Variants in CFAP300 observed in about 807,000 individuals in gnomAD.
The protein encoded by CFAP300 is cilia and flagella associated protein 300, also known as cilia- and flagella-associated protein 300.
CFAP300 carries 32 observed loss-of-function variants against 33.0 expected under a neutral mutation model. The observed-to-expected ratio is 0.97, with a 90% CI of 0.73 to 1.30. CFAP300 has a LOEUF of 1.30. Ranked by LOEUF, CFAP300 falls within the 50% of genes most tolerant of loss-of-function variation. CFAP300 has a pLI of 0.00. For missense variants in CFAP300, 356 were observed against 318.1 expected (o/e 1.12, Z -0.90); for synonymous variants, 102 against 106.8 (o/e 0.95, Z 0.28).
At chr11:102,058,286 A>G (rs1045798920) in intron 2 of CFAP300, among the ~76,000 whole-genome samples, 2 of 151,772 alleles carry the variant, frequency 1.3e-5, no homozygotes, top group Non-Finnish European at 2.9e-5. Context: ...TTTATTTTAT[A>G]TATTTTTTTC....
intron 4 of CFAP300, among the ~76,000 whole-genome samples, chr11:102,074,388 T>TA (rs1240187307): frequency 6.6e-6 from 1 of 152,162 alleles, no homozygotes. Context: ...GTCTTTCACT[T>TA]ACCATTTTCC....
At chr11:102,077,020 T>A (rs1942405193) in intron 5 of CFAP300, among the ~76,000 whole-genome samples, 1 of 152,146 alleles carries the variant, frequency 6.6e-6, no homozygotes, top group Non-Finnish European at 1.5e-5. Flanking sequence ...TTATTTGAAG[T>A]TCATGTAAAC....
intron 6 of CFAP300, among the ~76,000 whole-genome samples, chr11:102,082,165 G>A (rs1565399714): frequency 1.3e-5 from 2 of 151,492 alleles, no homozygotes; most frequent in South Asian, 2.1e-4. Context: ...ACTTGAGGTC[G>A]GGAGTTCAAA....
chr11:102,063,545 G>A (rs1431558235), intron 3 of CFAP300, among the ~76,000 whole-genome samples: 1 of 152,150 alleles, frequency 6.6e-6, no homozygotes, highest in Non-Finnish European at 1.5e-5. Flanking sequence ...AAAATTTTGG[G>A]AGCAGGACAA....
At chr11:102,079,006 G>A (rs528469524) in intron 5 of CFAP300, among the ~76,000 whole-genome samples, 35 of 152,244 alleles carry the variant, frequency 2.3e-4, no homozygotes, top group South Asian at 2.1e-3. Context: ...CACCGTGCCC[G>A]GCCGATATAC....
chr11:102,078,016 G>A (rs1010643841), intron 5 of CFAP300, among the ~76,000 whole-genome samples: 2 of 151,714 alleles, frequency 1.3e-5, no homozygotes, highest in Non-Finnish European at 2.9e-5. Context: ...TTAGCCTCCC[G>A]AATAGCTGGG....
intron 4 of CFAP300, among the ~76,000 whole-genome samples, chr11:102,069,174 G>A (rs916810043): frequency 5.9e-5 from 9 of 152,212 alleles, no homozygotes; most frequent in Admixed American, 5.2e-4. Flanking sequence ...CTAGTTGCCT[G>A]TATGGCTTGC....
intron 6 of CFAP300, 97 bp downstream of exon 6, chr11:102,081,378 T>A: frequency 1.1e-6 from 1 of 943,394 alleles, no homozygotes; most frequent in Non-Finnish European, 1.6e-6. Flanking sequence ...ATGTTATGCC[T>A]AGGAGAAAAG....
intron 4 of CFAP300, among the ~76,000 whole-genome samples, chr11:102,067,621 T>C (rs1942248914): frequency 6.6e-6 from 1 of 152,258 alleles, no homozygotes; most frequent in Non-Finnish European, 1.5e-5. Flanking sequence ...GTGCCCATTC[T>C]ACCTTCTTCC....
chr11:102,082,889 C>T (rs971815598), intron 6 of CFAP300, among the ~76,000 whole-genome samples, 182 bp from the exon 7 acceptor site: 8 of 152,014 alleles, frequency 5.3e-5, no homozygotes, highest in East Asian at 1.9e-4. Context: ...CCCAGCTACT[C>T]GGGAAGCTGA....
At chr11:102,062,821 A>C (rs891290793) in intron 3 of CFAP300, among the ~76,000 whole-genome samples, 2 of 152,170 alleles carry the variant, frequency 1.3e-5, no homozygotes, top group African/African-American at 2.4e-5. Context: ...TTATGGACTT[A>C]ATGAGCCATT....
intron 3 of CFAP300, among the ~76,000 whole-genome samples, chr11:102,059,424 G>A (rs1199439917): frequency 6.6e-6 from 1 of 151,830 alleles, no homozygotes; most frequent in Non-Finnish European, 1.5e-5. Context: ...TGAGGCGGGC[G>A]GATCACTTGA....
intron 2 of CFAP300, among the ~76,000 whole-genome samples, chr11:102,058,546 A>C (rs113232935): frequency 6.7e-6 from 1 of 148,558 alleles, no homozygotes; most frequent in African/African-American, 2.5e-5. Context: ...ATTTAGATCT[A>C]GTATGTCAGT....
chr11:102,066,645 A>C lies in CFAP300; in HGVS notation c.429A>C (p.Leu143Phe), dbSNP rs758085255. The part of the protein sequence containing the change: ...FCDPFLISDE[L>F]RRVLLVEDSE... ...ATCCATTTCTCATTTCTGATGAGTT[A>C]CGAAGAGTAAGTACAGAATTTTAAA... Residue 143 changes from leucine (L) to phenylalanine (F), a missense_variant, in exon 4 of 7, where the codon TTA (leucine) becomes TTC (phenylalanine). Physicochemically the swap from Leu to Phe is conservative, Grantham distance 22. Transcript: ENST00000434758. 6 of 1,600,738 alleles carry C rather than the reference A, an allele frequency of 3.7e-6. No individual in the cohort carries two copies. The highest frequency in any genetic ancestry group is 5.1e-6 in the Non-Finnish European group (6 of 1,177,178).
At chr11:102,079,936 T>TA (rs1273970791) in intron 5 of CFAP300, among the ~76,000 whole-genome samples, 1 of 152,122 alleles carries the variant, frequency 6.6e-6, no homozygotes, top group Non-Finnish European at 1.5e-5. Context: ...ATTGACAAAA[T>TA]AATGCCTACC....
intron 4 of CFAP300, among the ~76,000 whole-genome samples, chr11:102,074,943 G>A (rs770900991): frequency 3.3e-5 from 5 of 151,216 alleles, no homozygotes; most frequent in Non-Finnish European, 7.4e-5. Context: ...CTGGCCTCAA[G>A]CGATCCTCCT....
intron 6 of CFAP300, among the ~76,000 whole-genome samples, chr11:102,082,108 G>A (rs574761546): frequency 1.1e-4 from 16 of 152,120 alleles, no homozygotes; most frequent in African/African-American, 3.6e-4. Context: ...TCCCCACCCC[G>A]TGCAGTGGCT....
At chr11:102,063,837 A>ATT (rs1056062153) in intron 3 of CFAP300, among the ~76,000 whole-genome samples, 5 of 152,176 alleles carry the variant, frequency 3.3e-5, no homozygotes, top group Non-Finnish European at 7.3e-5. Context: ...AGAAAAAAAA[A>ATT]GTTTGTGGGG....
intron 5 of CFAP300, among the ~76,000 whole-genome samples, chr11:102,078,222 TA>T (rs1942426583): frequency 6.6e-6 from 1 of 152,194 alleles, no homozygotes; most frequent in Non-Finnish European, 1.5e-5. Context: ...TGTGCAGAGT[TA>T]CTTAGAATAG....
Sources: allele counts gnomAD v4.1 joint callset (sites outside exome capture counted in the v4.1 genomes callset), GRCh38; gene constraint gnomAD v4.1.1; transcripts MANE v1.5; gene names NCBI Gene and HGNC (gene_info 2026-07-23, HGNC 2026-07-21).